The following ZDHHC9 variants were observed in gnomAD, a reference collection of about 807,000 sequenced individuals.
ZDHHC9 encodes the protein zDHHC palmitoyltransferase 9.
ZDHHC9 carries 3 observed loss-of-function variants against 26.6 expected under a neutral mutation model. The ratio of observed to expected loss-of-function variants is 0.11; its 90% CI spans 0.05 to 0.29. The LOEUF (loss-of-function observed/expected upper bound fraction) is 0.29. Ranked by LOEUF, ZDHHC9 falls within the 10% of genes least tolerant of loss-of-function variation. ZDHHC9 has a pLI of 1.00. For synonymous variants in ZDHHC9, 111 were observed against 109.4 expected (o/e 1.01, Z -0.09); for missense variants, 146 against 296.4 (o/e 0.49, Z 3.73).
At chrX:129,838,469 C>T (rs1350786131) in intron 3 of ZDHHC9, among the ~76,000 whole-genome samples, 2 of 111,298 alleles carry the variant, frequency 1.8e-5, no homozygotes, top group Non-Finnish European at 1.9e-5. Flanking sequence ...GTCAGGAGTT[C>T]GAGACAAGCC....
rs193236859 is a variant in ZDHHC9 at position 129,812,702 on chromosome X, G to A, written c.777+16C>T. ...GAAGAAGAATATGTGGTGAGGAGAA[G>A]AGAAAGTTGACTCACGTCTTCATTG... On this transcript the variant is annotated intron_variant, in intron 8 of 10. Coordinates refer to ENST00000357166, the MANE Select transcript of ZDHHC9 (RefSeq NM_016032.4). 3.2e-4 allele frequency: 379 copies of A among 1,169,791 alleles called. No individual in the cohort carries two copies. The African/African-American group carries it at 5.9e-3, about 18-fold the overall frequency.
chrX:129,804,358 A>C lies in ZDHHC9; in HGVS notation c.*2012T>G, dbSNP rs1327823943. Reference sequence around the variant, plus strand: ...TCAGTCTCTCCCCATCTCTCTTCCAATCTCTCTCTCTCTCTCTCTCTCAAG... The same window carrying C: ...TCAGTCTCTCCCCATCTCTCTTCCACTCTCTCTCTCTCTCTCTCTCTCAAG... On this transcript the variant is annotated 3_prime_UTR_variant, in exon 11 of 11. Coordinates refer to ENST00000357166, the MANE Select transcript of ZDHHC9 (RefSeq NM_016032.4). The C allele has an allele frequency of 9.3e-6, 1 of 107,755 alleles. No individual in the cohort carries two copies. The highest frequency in any genetic ancestry group is 3.4e-5 in the African/African-American group (1 of 29,697). 8.9% of individuals were successfully genotyped at this position (107,755 alleles called of 1,213,427 possible). A position where few individuals can be genotyped will look rare whatever the true frequency, so the allele number is the denominator to read the frequency against.
At chrX:129,836,477 G>T (rs1232885465) in intron 3 of ZDHHC9, among the ~76,000 whole-genome samples, 4 of 111,248 alleles carry the variant, frequency 3.6e-5, no homozygotes, top group Admixed American at 9.6e-5. Flanking sequence ...TAGAGACAGG[G>T]TTTCACCATG....
At chrX:129,822,623 TA>T (rs1157607305) in intron 5 of ZDHHC9, among the ~76,000 whole-genome samples, 3 of 110,720 alleles carry the variant, frequency 2.7e-5, no homozygotes, top group East Asian at 2.8e-4. Context: ...AAATAAAAAA[TA>T]ATAATAATAA....
intron 3 of ZDHHC9, among the ~76,000 whole-genome samples, chrX:129,840,761 C>T (rs1928362264): frequency 9.0e-6 from 1 of 110,753 alleles, no homozygotes; most frequent in African/African-American, 3.3e-5. Context: ...TCTGGGTGCA[C>T]TGGGAAAGCC....
chrX:129,812,842 T>C lies in ZDHHC9; in HGVS notation c.675-22A>G, dbSNP rs7054036. The C allele has an allele frequency of 0.013, 14,391 of 1,111,986 alleles. 997 individuals are homozygous for C. In the African/African-American group the frequency reaches 0.21, roughly 17 times the overall value. 91.6% of individuals were successfully genotyped at this position (1,111,986 alleles called of 1,213,427 possible). ...AACAGTGAGGTGTGGTTAAGGAGTA[T>C]TGAAGAACTCAACATCAGGAGACTT... On this transcript the variant is annotated intron_variant, in intron 7 of 10. Coordinates refer to ENST00000357166, the MANE Select transcript of ZDHHC9 (RefSeq NM_016032.4).
chrX:129,814,646 C>G lies in ZDHHC9; in HGVS notation c.625+12G>C. On this transcript the variant is annotated intron_variant, in intron 6 of 10. Transcript: ENST00000357166. Reference sequence around the variant, plus strand: ...CCCCACTCCAACAACGGACACTGCCCTGTATACTCACTGAGGGCCACATAG... The same window carrying G: ...CCCCACTCCAACAACGGACACTGCCGTGTATACTCACTGAGGGCCACATAG... 5 of 1,211,149 alleles carry G rather than the reference C, an allele frequency of 4.1e-6. No homozygotes were observed. Among genetic ancestry groups the G allele is most frequent in the Non-Finnish European group, 5.6e-6 (5 of 895,209 alleles).
At position 129,807,677 on chromosome X, in the gene ZDHHC9, G is replaced by A. The variant is rs182426529; in HGVS notation, c.979-1191C>T. ...TCTACTAAAAACACAAAAATTAGCC[G>A]GTGTGGTGGTGGGCACCTGTAATCC... is the stretch of plus-strand genomic sequence containing the variant. On this transcript the variant is annotated intron_variant, in intron 10 of 10. Coordinates refer to ENST00000357166, the MANE Select transcript of ZDHHC9 (RefSeq NM_016032.4). Among the ~76,000 whole-genome samples, 72 of 110,774 alleles carry A rather than the reference G, an allele frequency of 6.5e-4. 1 individual carries two copies. The highest frequency in any genetic ancestry group is 3.2e-3 in the Admixed American group (33 of 10,372).
intron 3 of ZDHHC9, among the ~76,000 whole-genome samples, chrX:129,832,010 T>C (rs1381308550): frequency 1.1e-4 from 12 of 109,845 alleles, no homozygotes. Flanking sequence ...TACCAGAAAA[T>C]TGCTAGGAGA....
chrX:129,842,672 G>C (rs1443799846), intron 2 of ZDHHC9, among the ~76,000 whole-genome samples: 1 of 113,057 alleles, frequency 8.8e-6, no homozygotes, highest in Non-Finnish European at 1.9e-5. Flanking sequence ...AGGAGGTTCT[G>C]GACGCTCTGT....
chrX:129,811,287 C>G (rs751266200), intron 9 of ZDHHC9, 119 bp downstream of exon 9: 2 of 630,139 alleles, frequency 3.2e-6, no homozygotes, highest in Non-Finnish European at 5.1e-6. Flanking sequence ...GTGGCAAGCC[C>G]TGGAAAGACC....
intron 5 of ZDHHC9, among the ~76,000 whole-genome samples, chrX:129,816,071 C>T (rs1161153552): frequency 3.6e-5 from 4 of 112,013 alleles, no homozygotes; most frequent in Non-Finnish European, 7.5e-5. Context: ...ACAGGTTTTG[C>T]ATCTTGTGAA....
In ZDHHC9 at chrX:129,811,518, T is replaced by C. The variant is rs753380577; in HGVS notation, c.778-9A>G. The stretch of plus-strand genomic sequence containing the variant: ...GTCCATGATCCTTTGATCTGCAAGA[T>C]AAAAACCAAGGCTGACATTAAAAAT... On this transcript the variant is annotated splice_polypyrimidine_tract_variant and intron_variant, in intron 8 of 10. Transcript: ENST00000357166. The C allele has an allele frequency of 8.6e-7, 1 of 1,159,148 alleles. No homozygotes were observed. Among genetic ancestry groups the C allele is most frequent in the Non-Finnish European group, 1.2e-6 (1 of 851,418 alleles).
intron 4 of ZDHHC9, among the ~76,000 whole-genome samples, chrX:129,824,929 A>G (rs1157308307): frequency 1.8e-5 from 2 of 112,732 alleles, no homozygotes; most frequent in Non-Finnish European, 3.7e-5. Context: ...AAATATATGC[A>G]TGTGAAAAGA....
intron 3 of ZDHHC9, among the ~76,000 whole-genome samples, chrX:129,834,513 C>T (rs1210070398): frequency 1.8e-5 from 2 of 111,818 alleles, no homozygotes; most frequent in Non-Finnish European, 3.8e-5. Flanking sequence ...GCTCCAGTAG[C>T]AATAAAGAAA....
Position 129,842,027 on chromosome X carries a change from T to C in ZDHHC9, c.-82A>G. ...GCTGAGCCCAGCTTTGAAATCACGTTGCCTGCTATTCCTGCCGCTGGGTCA... is the reference window on the plus strand; with the variant it reads ...GCTGAGCCCAGCTTTGAAATCACGTCGCCTGCTATTCCTGCCGCTGGGTCA... On this transcript the variant is annotated 5_prime_UTR_variant, in exon 3 of 11. Transcript: ENST00000357166. 1 of 1,128,689 alleles carries C rather than the reference T, an allele frequency of 8.9e-7. No homozygotes were observed. Among genetic ancestry groups the C allele is most frequent in the South Asian group, 1.8e-5 (1 of 55,085 alleles). The allele number at this position is 1,128,689 out of a possible 1,213,427, so 93.0% of individuals were successfully genotyped here.
chrX:129,826,343 C>A (rs1928016706), intron 4 of ZDHHC9, among the ~76,000 whole-genome samples: 1 of 111,283 alleles, frequency 9.0e-6, no homozygotes, highest in Admixed American at 9.6e-5. Context: ...CTCTCCCCAT[C>A]CCCCACCCAC....
intron 10 of ZDHHC9, among the ~76,000 whole-genome samples, chrX:129,807,581 A>G (rs1927550990): frequency 9.0e-6 from 1 of 110,974 alleles, no homozygotes; most frequent in Admixed American, 9.6e-5. Flanking sequence ...GCACTTTGGG[A>G]GGCCGAGGAG....
chrX:129,823,815 G>A lies in ZDHHC9; in HGVS notation c.351C>T (p.Pro117=). 1 of 1,210,363 alleles carries A rather than the reference G, an allele frequency of 8.3e-7. No individual in the cohort carries two copies. Among genetic ancestry groups the A allele is most frequent in the Non-Finnish European group, 1.1e-6 (1 of 895,226 alleles). Residue 117 remains proline, a synonymous_variant, in exon 5 of 11, where the codon CCC becomes CCT. Transcript: ENST00000357166. Reference sequence around the variant, plus strand: ...TACGAGGCGGTGGTCGCTGGCCCTGGGGCACCGCACCATTGGTAGCTTCTG... The same window carrying A: ...TACGAGGCGGTGGTCGCTGGCCCTGAGGCACCGCACCATTGGTAGCTTCTG... The part of the protein sequence containing the change: ...MEIEATNGAV[P]QGQRPPPRIK...
Sources: allele counts gnomAD v4.1 joint callset (sites outside exome capture counted in the v4.1 genomes callset), GRCh38; gene constraint gnomAD v4.1.1; transcripts MANE v1.5; gene names NCBI Gene and HGNC (gene_info 2026-07-23, HGNC 2026-07-21).